Variants in NUMB observed in about 807,000 individuals in gnomAD.
NUMB encodes the protein NUMB endocytic adaptor protein.
NUMB carries 29 observed loss-of-function variants against 59.7 expected under a neutral mutation model. The ratio of observed to expected loss-of-function variants is 0.49; its 90% CI spans 0.36 to 0.66. The LOEUF is 0.66. Ranked by LOEUF, NUMB falls within the 30% of genes least tolerant of loss-of-function variation. The probability of loss-of-function intolerance (pLI) is 0.00; values close to 1 mark genes in which losing one functional copy is unlikely to be tolerated. For synonymous variants in NUMB, 288 were observed against 288.2 expected, an observed-to-expected ratio of 1.00 and a Z score of 0.01; for missense variants, 723 against 822.0, an observed-to-expected ratio of 0.88 and a Z score of 1.47.
At chr14:73,390,082 C>T (rs1043071653) in intron 2 of NUMB, among the ~76,000 whole-genome samples, 1 of 151,882 alleles carries the variant, frequency 6.6e-6, no homozygotes, top group African/African-American at 2.4e-5. Flanking sequence ...ATATTTGATC[C>T]AACATTCTAT....
intron 1 of NUMB, among the ~76,000 whole-genome samples, chr14:73,445,317 T>C (rs1169337992): frequency 8.1e-6 from 1 of 123,548 alleles, no homozygotes; most frequent in Non-Finnish European, 1.6e-5. Flanking sequence ...ATGGTGCCAC[T>C]GTACTGCAGC....
chr14:73,365,679 T>C (rs188899186), intron 3 of NUMB, among the ~76,000 whole-genome samples: 1 of 152,322 alleles, frequency 6.6e-6, no homozygotes, highest in Non-Finnish European at 1.5e-5. Flanking sequence ...GTCCCATTCT[T>C]TAAATAGCTT....
At chr14:73,383,486 G>A (rs2140082050) in intron 2 of NUMB, among the ~76,000 whole-genome samples, 1 of 152,202 alleles carries the variant, frequency 6.6e-6, no homozygotes, top group African/African-American at 2.4e-5. Flanking sequence ...CATGTGAGAT[G>A]CAGAGAAAGA....
At chr14:73,399,058 T>A (rs1458639495) in intron 2 of NUMB, among the ~76,000 whole-genome samples, 1 of 152,240 alleles carries the variant, frequency 6.6e-6, no homozygotes, top group African/African-American at 2.4e-5. Flanking sequence ...TCAGTTGTTG[T>A]AAACTAGATT....
At chr14:73,396,324 GTGTGT>G (rs573914919) in intron 2 of NUMB, among the ~76,000 whole-genome samples, 85 of 41,364 alleles carry the variant, frequency 2.1e-3, no homozygotes, top group African/African-American at 0.018. Flanking sequence ...TATTAGGGGT[GTGTGT>G]GTGTGTGTGT....
intron 7 of NUMB, among the ~76,000 whole-genome samples, chr14:73,294,777 C>T (rs1889643090): frequency 3.0e-5 from 3 of 100,090 alleles, no homozygotes; most frequent in African/African-American, 7.7e-5. Context: ...CCTTGGCCTC[C>T]CAAAGTGCTG....
chr14:73,398,415 A>AGAGAGAGTGT (rs1438462148), intron 2 of NUMB, among the ~76,000 whole-genome samples: 140 of 118,870 alleles, frequency 1.2e-3, no homozygotes, highest in African/African-American at 4.2e-3. Context: ...AGAGAGAGAG[A>AGAGAGAGTGT]GTGTGTGTGT....
chr14:73,367,516 G>GT lies in NUMB; in HGVS notation c.-100-536dup, dbSNP rs1284828207. Among the ~76,000 whole-genome samples, 5 of 151,838 alleles carry GT rather than the reference G, an allele frequency of 3.3e-5. 1 individual carries two copies. Among genetic ancestry groups the GT allele is most frequent in the Non-Finnish European group, 7.4e-5 (5 of 67,984 alleles). ...AGAAGGATCAATTTGGGCCATGCCT[G>GT]TAATCCCAGCACTTCGGGAGGCCTC... On this transcript the variant is annotated intron_variant, in intron 2 of 12. Coordinates refer to ENST00000555238, the MANE Select transcript of NUMB (RefSeq NM_001005743.2).
intron 6 of NUMB, among the ~76,000 whole-genome samples, chr14:73,308,681 T>C (rs568924975): frequency 6.6e-6 from 1 of 152,320 alleles, no homozygotes; most frequent in South Asian, 2.1e-4. Flanking sequence ...ACCATCAGCA[T>C]ATATTACATA....
intron 3 of NUMB, among the ~76,000 whole-genome samples, chr14:73,365,167 G>C (rs1444655416): frequency 6.6e-6 from 1 of 152,120 alleles, no homozygotes; most frequent in Non-Finnish European, 1.5e-5. Flanking sequence ...AGCCTGCTAA[G>C]TAGCTGGGAT....
chr14:73,391,428 AATC>A (rs921874929), intron 2 of NUMB, among the ~76,000 whole-genome samples: 192 of 152,214 alleles, frequency 1.3e-3, no homozygotes, highest in African/African-American at 4.3e-3. Flanking sequence ...AAAAAGAAAA[AATC>A]ATTTTCAGTT....
chr14:73,371,914 T>C (rs571641837), intron 2 of NUMB, among the ~76,000 whole-genome samples: 25 of 152,066 alleles, frequency 1.6e-4, no homozygotes, highest in African/African-American at 5.8e-4. Flanking sequence ...GGTATTCTGT[T>C]ACAGCAGCAC....
rs747594632 is a variant in NUMB, at chr14:73,276,552, AC to A, written c.*25del. 4 of 1,578,108 alleles carry A rather than the reference AC, an allele frequency of 2.5e-6. No individual in the cohort carries two copies. The East Asian group carries it at 9.0e-5, about 35-fold the overall frequency. The stretch of plus-strand genomic sequence containing the variant: ...ACCCCCTGCTCCCTGTCTGGTATGG[AC>A]AAGATACATAGCCATAATGATTGCT... On this transcript the variant is annotated 3_prime_UTR_variant, in exon 13 of 13. Coordinates refer to ENST00000555238, the MANE Select transcript of NUMB (RefSeq NM_001005743.2).
chr14:73,377,785 G>A (rs1308834625), intron 2 of NUMB, among the ~76,000 whole-genome samples: 3 of 152,198 alleles, frequency 2.0e-5, no homozygotes, highest in South Asian at 2.1e-4. Context: ...TAGCCCACAT[G>A]GCGAAACCCT....
chr14:73,407,140 G>A (rs572416666), intron 2 of NUMB, among the ~76,000 whole-genome samples: 136 of 151,274 alleles, frequency 9.0e-4, no homozygotes, highest in African/African-American at 3.2e-3. Context: ...ACCATGCCAG[G>A]CCTCATCTTG....
chr14:73,330,177 ACAC>A (rs1382414432), intron 4 of NUMB, among the ~76,000 whole-genome samples: 2 of 152,096 alleles, frequency 1.3e-5, no homozygotes, highest in African/African-American at 4.8e-5. Context: ...CTACAGGCAC[ACAC>A]CACAACACCC....
At position 73,402,658 on chromosome 14, in the gene NUMB, T is replaced by C. The variant is rs569391371; in HGVS notation, c.-101+7279A>G. ...TGTATTAGGTACTTTACATAAATTA[T>C]CTCCTTCACACTTCACGACTGCCTT... On this transcript the variant is annotated intron_variant, in intron 2 of 12. Coordinates refer to ENST00000555238, the MANE Select transcript of NUMB (RefSeq NM_001005743.2). 2.6e-5 allele frequency among the ~76,000 whole-genome samples: 4 copies of C among 152,334 alleles called. No individual in the cohort carries two copies. In the South Asian group the frequency reaches 8.3e-4, roughly 32 times the overall value.
At chr14:73,348,477 C>T (rs958092307) in intron 4 of NUMB, among the ~76,000 whole-genome samples, 3 of 152,176 alleles carry the variant, frequency 2.0e-5, no homozygotes, top group African/African-American at 7.2e-5. Flanking sequence ...AGGAGGTGAG[C>T]GGAGGGCGAG....
At position 73,395,565 on chromosome 14, in the gene NUMB, G is replaced by A. The variant is rs191489574; in HGVS notation, c.-101+14372C>T. On this transcript the variant is annotated intron_variant, in intron 2 of 12. Coordinates refer to ENST00000555238, the MANE Select transcript of NUMB (RefSeq NM_001005743.2). ...GAGCCCGGGAGGTCAAGGCTGCAGT[G>A]AGCCGTGATCATACCACTGCACTCC... Among the ~76,000 whole-genome samples the A allele has an allele frequency of 1.0e-3, 155 of 152,240 alleles. 1 individual carries two copies. Among genetic ancestry groups the A allele is most frequent in the South Asian group, 1.9e-3 (9 of 4,820 alleles).
Sources: allele counts gnomAD v4.1 joint callset (sites outside exome capture counted in the v4.1 genomes callset), GRCh38; gene constraint gnomAD v4.1.1; transcripts MANE v1.5; gene names NCBI Gene and HGNC (gene_info 2026-07-23, HGNC 2026-07-21).